The following WDR49 variants were observed in gnomAD, a reference collection of about 807,000 sequenced individuals.
WDR49 encodes WD repeat domain 49, also known as cilia- and flagella-associated protein 337.
WDR49 carries 107 observed loss-of-function variants against 119.5 expected under a neutral mutation model. The ratio of observed to expected loss-of-function variants is 0.90; its 90% CI spans 0.77 to 1.05. WDR49 has a LOEUF of 1.05. Ranked by LOEUF, WDR49 falls within the 50% of genes least tolerant of loss-of-function variation. The probability of loss-of-function intolerance (pLI) is 0.00; values close to 1 mark genes in which losing one functional copy is unlikely to be tolerated. For synonymous variants in WDR49, 425 were observed against 418.8 expected, an observed-to-expected ratio of 1.01 and a Z score of -0.18; for missense variants, 1,240 against 1,220.5, an observed-to-expected ratio of 1.02 and a Z score of -0.24.
At chr3:167,487,524 T>C (rs1750971605) in intron 18 of WDR49, among the ~76,000 whole-genome samples, 1 of 151,966 alleles carries the variant, frequency 6.6e-6, no homozygotes, top group Non-Finnish European at 1.5e-5. Context: ...CAAAAGTTGA[T>C]AAATGGAACC....
intron 16 of WDR49, among the ~76,000 whole-genome samples, chr3:167,519,320 A>T (rs1005404142): frequency 6.6e-6 from 1 of 152,222 alleles, no homozygotes; most frequent in Admixed American, 6.5e-5. Context: ...TCATTCTGTT[A>T]TAAAGATACA....
At chr3:167,550,125 T>A (rs1712463239) in intron 10 of WDR49, among the ~76,000 whole-genome samples, 1 of 152,046 alleles carries the variant, frequency 6.6e-6, no homozygotes, top group African/African-American at 2.4e-5. Context: ...AGTCAGGTAG[T>A]GTGATGCCTC....
intron 7 of WDR49, among the ~76,000 whole-genome samples, chr3:167,583,666 A>C (rs1714666414): frequency 6.6e-6 from 1 of 152,240 alleles, no homozygotes; most frequent in Non-Finnish European, 1.5e-5. Context: ...AACAGTAGAC[A>C]TAAAGGAAAG....
intron 7 of WDR49, among the ~76,000 whole-genome samples, chr3:167,581,525 G>T (rs1290257501): frequency 6.6e-6 from 1 of 152,126 alleles, no homozygotes; most frequent in Non-Finnish European, 1.5e-5. Context: ...ACATTGTGAG[G>T]ATTGAATCAA....
intron 7 of WDR49, among the ~76,000 whole-genome samples, chr3:167,581,156 T>G (rs1320944897): frequency 6.6e-6 from 1 of 152,202 alleles, no homozygotes; most frequent in Non-Finnish European, 1.5e-5. Flanking sequence ...CAAATAAATT[T>G]TGCCATAATT....
Position 167,500,267 on chromosome 3 carries a change from C to A in WDR49, c.2917G>T (p.Glu973Ter). The A allele has an allele frequency of 6.2e-7, 1 of 1,605,858 alleles. No individual in the cohort carries two copies. Among genetic ancestry groups the A allele is most frequent in the Non-Finnish European group, 8.5e-7 (1 of 1,177,440 alleles). ...TFRSLNIGAL[E>*]ELPEVNKPAF... is the part of the protein sequence containing the mutation. ...GGTTTATTCACTTCAGGCAGCTCTT[C>A]CAGGGCTCCAATGTTTAATGACCTA... is the stretch of plus-strand genomic sequence containing the variant. The change falls in exon 18 of 19, where the codon GAA (glutamate) becomes TAA (stop). Residue 973 changes from glutamate to a stop codon, truncating the protein, a stop_gained. Coordinates refer to ENST00000682715, the MANE Select transcript of WDR49 (RefSeq NM_001366157.1). LOFTEE classifies it high-confidence loss of function.
chr3:167,653,534 C>A, intron 1 of WDR49, 35 bp from the exon 2 acceptor site: 1 of 1,333,116 alleles, frequency 7.5e-7, no homozygotes, highest in Non-Finnish European at 9.8e-7. Context: ...AACAGAATTC[C>A]AAAATGAAAG....
chr3:167,483,619 A>T (rs1750809384), intron 18 of WDR49, among the ~76,000 whole-genome samples: 2 of 152,220 alleles, frequency 1.3e-5, no homozygotes, highest in Admixed American at 6.5e-5. Context: ...ACAAATATAA[A>T]TTTATTTATA....
At chr3:167,625,413 C>G (rs1025162359) in intron 3 of WDR49, among the ~76,000 whole-genome samples, 7 of 151,844 alleles carry the variant, frequency 4.6e-5, no homozygotes, top group African/African-American at 1.7e-4. Context: ...AATAATAGTA[C>G]TCATTGTTTA....
chr3:167,506,810 G>A (rs944050678), intron 16 of WDR49, among the ~76,000 whole-genome samples: 41 of 152,218 alleles, frequency 2.7e-4, no homozygotes, highest in African/African-American at 8.2e-4. Flanking sequence ...GGCCTGTGAC[G>A]ATTTTTCTTG....
intron 10 of WDR49, among the ~76,000 whole-genome samples, chr3:167,550,236 C>T (rs1052875320): frequency 6.6e-6 from 1 of 152,098 alleles, no homozygotes; most frequent in South Asian, 2.1e-4. Flanking sequence ...TGAAGAAAGT[C>T]ATTGGTAGCT....
chr3:167,605,770 A>G (rs1487433792), intron 5 of WDR49, among the ~76,000 whole-genome samples: 2 of 152,212 alleles, frequency 1.3e-5, no homozygotes, highest in African/African-American at 4.8e-5. Context: ...GAAAGAGCTA[A>G]TCTACTTCTA....
chr3:167,489,396 A>T (rs138577551), intron 18 of WDR49, among the ~76,000 whole-genome samples: 25 of 152,246 alleles, frequency 1.6e-4, no homozygotes, highest in Non-Finnish European at 2.9e-4. Context: ...ATACATATAC[A>T]TCCATTTAAC....
At chr3:167,558,574 C>T (rs141462691) in intron 9 of WDR49, among the ~76,000 whole-genome samples, 58 of 152,294 alleles carry the variant, frequency 3.8e-4, no homozygotes, top group Admixed American at 9.1e-4. Flanking sequence ...AAGATGTCAA[C>T]GCTTCAGTTG....
chr3:167,605,154 AC>A (rs1715995724), intron 5 of WDR49, among the ~76,000 whole-genome samples: 1 of 151,954 alleles, frequency 6.6e-6, no homozygotes, highest in East Asian at 1.9e-4. Context: ...ACATTTCCAA[AC>A]AATTATTAAA....
chr3:167,568,163 C>A (rs1052203653), intron 8 of WDR49, among the ~76,000 whole-genome samples: 2 of 152,154 alleles, frequency 1.3e-5, no homozygotes, highest in South Asian at 2.1e-4. Flanking sequence ...GTTCAGGCAG[C>A]AATCCTTTCT....
chr3:167,616,822 G>A (rs1433198271), intron 5 of WDR49, among the ~76,000 whole-genome samples: 2 of 152,096 alleles, frequency 1.3e-5, no homozygotes, highest in African/African-American at 2.4e-5. Flanking sequence ...TAAAATCAGC[G>A]ATAAAGAGAA....
chr3:167,615,115 G>A (rs1051842578), intron 5 of WDR49, among the ~76,000 whole-genome samples: 1 of 152,162 alleles, frequency 6.6e-6, no homozygotes, highest in Non-Finnish European at 1.5e-5. Flanking sequence ...AATCTGTATT[G>A]CTAAATCTAA....
intron 17 of WDR49, among the ~76,000 whole-genome samples, chr3:167,502,357 C>A (rs1175905749): frequency 6.6e-6 from 1 of 152,118 alleles, no homozygotes; most frequent in Non-Finnish European, 1.5e-5. Context: ...AATGGCCTGA[C>A]ACAGAAAATT....
Sources: gnomAD v4.1 joint callset for allele counts (sites outside exome capture counted in the v4.1 genomes callset) on GRCh38, gnomAD v4.1.1 for gene constraint, MANE v1.5 for transcripts, NCBI Gene and HGNC (gene_info 2026-07-23, HGNC 2026-07-21) for gene names.